KIAA0825: variants seen among roughly 807,000 people sequenced by gnomAD.
KIAA0825 encodes uncharacterized protein KIAA0825.
KIAA0825 carries 119 observed loss-of-function variants against 147.6 expected under a neutral mutation model. The observed-to-expected ratio is 0.81, with a 90% CI of 0.69 to 0.94. The LOEUF (loss-of-function observed/expected upper bound fraction) is 0.94. KIAA0825 is among the 40% of genes least tolerant of loss of function. KIAA0825 has a pLI of 0.00. For synonymous variants in KIAA0825, 470 were observed against 518.1 expected, an observed-to-expected ratio of 0.91 and a Z score of 1.26; for missense variants, 1,381 against 1,472.7, an observed-to-expected ratio of 0.94 and a Z score of 1.02.
rs768924526 is a variant in KIAA0825, at chr5:94,520,850, C to G, written c.368G>C (p.Cys123Ser). 10 of 1,612,344 alleles carry G rather than the reference C, an allele frequency of 6.2e-6. No individual in the cohort carries two copies. The highest frequency in any genetic ancestry group is 3.3e-4 in the Middle Eastern group (2 of 6,082). ...MTLDLLWDLS[C>S]HSSVSFPSTL... ...TGATGGGAATGAAACGCTGCTGTGG[C>G]AGGAGAGGTCCCAAAGTAAATCCAA... is the stretch of plus-strand genomic sequence containing the variant. Residue 123 changes from cysteine (C) to serine (S), a missense_variant, in exon 5 of 21, where the codon TGC becomes TCC. Cys to Ser is a moderately radical substitution (Grantham distance 112). Transcript: ENST00000682413.
At chr5:94,539,834 G>A (rs1370293339) in intron 2 of KIAA0825, among the ~76,000 whole-genome samples, 1 of 152,088 alleles carries the variant, frequency 6.6e-6, no homozygotes, top group Admixed American at 6.6e-5. Flanking sequence ...GTCCCTTTTG[G>A]CTAAGAATGG....
intron 3 of KIAA0825, among the ~76,000 whole-genome samples, chr5:94,533,580 T>C (rs996091898): frequency 1.3e-5 from 2 of 152,212 alleles, no homozygotes; most frequent in Admixed American, 1.3e-4. Context: ...CAGCCTATGC[T>C]GTGTCATATT....
intron 14 of KIAA0825, among the ~76,000 whole-genome samples, chr5:94,425,963 T>G (rs1241720474): frequency 6.6e-6 from 1 of 151,904 alleles, no homozygotes; most frequent in Non-Finnish European, 1.5e-5. Context: ...TCCTCCCAAC[T>G]CAGCCTTCCA....
chr5:94,270,899 G>A (rs1262612310), intron 20 of KIAA0825, among the ~76,000 whole-genome samples: 1 of 152,126 alleles, frequency 6.6e-6, no homozygotes, highest in Non-Finnish European at 1.5e-5. Flanking sequence ...AAGATATTAA[G>A]TCTCAATCTG....
At chr5:94,160,488 TCTGTATA>T (rs1202742533) in intron 20 of KIAA0825, among the ~76,000 whole-genome samples, 1 of 149,076 alleles carries the variant, frequency 6.7e-6, no homozygotes, top group African/African-American at 2.5e-5. Context: ...ATAGTACATA[TCTGTATA>T]CTGTATATAT....
rs566055360 is a variant in KIAA0825 at position 94,221,197 on chromosome 5, G to A, written c.3711-67073C>T. On this transcript the variant is annotated intron_variant, in intron 20 of 20. Transcript: ENST00000682413. The stretch of plus-strand genomic sequence containing the variant: ...CCCTCTTTGTGGTCTCAGGGGTAGA[G>A]CCTGCCAGGATTTCAGAAGGAGCTG... Among the ~76,000 whole-genome samples, 10 of 152,278 alleles carry A rather than the reference G, an allele frequency of 6.6e-5. No individual in the cohort carries two copies. In the East Asian group the frequency reaches 1.9e-3, roughly 29 times the overall value.
At chr5:94,381,917 A>T (rs1748466088) in intron 20 of KIAA0825, among the ~76,000 whole-genome samples, 2 of 152,126 alleles carry the variant, frequency 1.3e-5, no homozygotes, top group Admixed American at 1.3e-4. Flanking sequence ...GCACAAATGA[A>T]TTTAAGGTGA....
chr5:94,435,449 A>C (rs1334815198), intron 14 of KIAA0825, among the ~76,000 whole-genome samples: 1 of 151,904 alleles, frequency 6.6e-6, no homozygotes, highest in Non-Finnish European at 1.5e-5. Flanking sequence ...AAAAGACATG[A>C]TCTCATTCCT....
chr5:94,403,322 A>C (rs1751636043), intron 16 of KIAA0825, among the ~76,000 whole-genome samples: 1 of 152,204 alleles, frequency 6.6e-6, no homozygotes, highest in African/African-American at 2.4e-5. Flanking sequence ...CCTGAACACA[A>C]AATATCACAG....
intron 20 of KIAA0825, among the ~76,000 whole-genome samples, chr5:94,323,109 T>TTG (rs1780350579): frequency 1.3e-5 from 2 of 152,072 alleles, no homozygotes; most frequent in South Asian, 4.1e-4. Context: ...CGAACACACG[T>TTG]TGTGTGCGTA....
intron 7 of KIAA0825, among the ~76,000 whole-genome samples, chr5:94,473,919 G>A (rs1255668596): frequency 1.3e-5 from 2 of 151,996 alleles, no homozygotes; most frequent in African/African-American, 2.4e-5. Context: ...CTTTTTTATA[G>A]TTTATTGTTA....
chr5:94,220,568 T>C (rs767764475), intron 20 of KIAA0825, among the ~76,000 whole-genome samples: 4 of 152,224 alleles, frequency 2.6e-5, no homozygotes, highest in Non-Finnish European at 5.9e-5. Context: ...GGTGTTGCAC[T>C]ACCACTTTAT....
intron 1 of KIAA0825, among the ~76,000 whole-genome samples, chr5:94,610,890 A>ATAAC (rs1788646467): frequency 6.6e-6 from 1 of 151,432 alleles, no homozygotes. Context: ...CCTCATCAGT[A>ATAAC]TAACGCTCTT....
intron 20 of KIAA0825, among the ~76,000 whole-genome samples, chr5:94,375,844 G>T (rs780635340): frequency 5.9e-5 from 9 of 152,144 alleles, no homozygotes; most frequent in Non-Finnish European, 1.3e-4. Context: ...AGGATATTGA[G>T]ATAACCCTAG....
intron 20 of KIAA0825, among the ~76,000 whole-genome samples, chr5:94,287,247 G>C (rs1777702171): frequency 6.6e-6 from 1 of 152,158 alleles, no homozygotes; most frequent in South Asian, 2.1e-4. Context: ...CCGACTGATA[G>C]CTGATGACTT....
At chr5:94,532,323 T>C (rs2151302135) in intron 3 of KIAA0825, among the ~76,000 whole-genome samples, 1 of 152,082 alleles carries the variant, frequency 6.6e-6, no homozygotes, top group African/African-American at 2.4e-5. Context: ...ATTTTTGTTT[T>C]TGTTTTTTGT....
At chr5:94,163,912 G>A (rs1767796755) in intron 20 of KIAA0825, among the ~76,000 whole-genome samples, 1 of 152,058 alleles carries the variant, frequency 6.6e-6, no homozygotes, top group African/African-American at 2.4e-5. Flanking sequence ...TAATTGTAAT[G>A]GACTCTTGTT....
intron 2 of KIAA0825, among the ~76,000 whole-genome samples, chr5:94,554,324 G>C (rs937397017): frequency 1.4e-4 from 21 of 151,998 alleles, no homozygotes; most frequent in Admixed American, 1.3e-4. Context: ...ATGTATTCTT[G>C]ATCTATTTAT....
intron 20 of KIAA0825, among the ~76,000 whole-genome samples, chr5:94,285,992 G>A (rs1465920576): frequency 6.6e-6 from 1 of 152,094 alleles, no homozygotes; most frequent in Non-Finnish European, 1.5e-5. Flanking sequence ...AAAATCCACA[G>A]CAATTCAGAA....
Sources: allele counts gnomAD v4.1 joint callset (sites outside exome capture counted in the v4.1 genomes callset), GRCh38; gene constraint gnomAD v4.1.1; transcripts MANE v1.5; gene names NCBI Gene and HGNC (gene_info 2026-07-23, HGNC 2026-07-21).